The following SEMA6D variants were observed in gnomAD, a reference collection of about 807,000 sequenced individuals.
SEMA6D encodes the protein semaphorin 6D.
A neutral mutation model predicts 106.6 loss-of-function variants in SEMA6D; 35 were observed. The observed-to-expected ratio is 0.33, with a 90% CI of 0.25 to 0.44. SEMA6D has a LOEUF of 0.44. Among genes scored for constraint, SEMA6D ranks in the 20% least tolerant of loss-of-function variants. The probability of loss-of-function intolerance (pLI) is 1.00; values close to 1 mark genes in which losing one functional copy is unlikely to be tolerated. For missense variants in SEMA6D, 1,185 were observed against 1,345.9 expected (o/e 0.88, Z 1.87); for synonymous variants, 499 against 487.7 (o/e 1.02, Z -0.31).
chr15:47,493,358 T>A (rs949827811), intron 3 of SEMA6D, among the ~76,000 whole-genome samples: 2 of 152,202 alleles, frequency 1.3e-5, no homozygotes, highest in African/African-American at 4.8e-5. Flanking sequence ...TTTTGTGGTC[T>A]TTTTGTTGGC....
At chr15:47,647,495 G>A (rs1053920802) in intron 4 of SEMA6D, among the ~76,000 whole-genome samples, 3 of 152,174 alleles carry the variant, frequency 2.0e-5, no homozygotes, top group African/African-American at 7.2e-5. Flanking sequence ...TGTGCAAAAT[G>A]TGTAGGTTCA....
intron 1 of SEMA6D, among the ~76,000 whole-genome samples, chr15:47,351,698 T>A (rs1245934519): frequency 6.6e-6 from 1 of 152,186 alleles, no homozygotes; most frequent in African/African-American, 2.4e-5. Flanking sequence ...TTACTGTACT[T>A]GTTCCTTGAG....
At chr15:47,650,765 G>A (rs963855398) in intron 4 of SEMA6D, among the ~76,000 whole-genome samples, 3 of 152,192 alleles carry the variant, frequency 2.0e-5, no homozygotes, top group African/African-American at 7.2e-5. Context: ...TGGGGCAAAA[G>A]TCCAGGGTGA....
chr15:47,627,230 C>T (rs887322226), intron 4 of SEMA6D, among the ~76,000 whole-genome samples: 4 of 152,114 alleles, frequency 2.6e-5, no homozygotes, highest in African/African-American at 9.7e-5. Context: ...TTCATCTTTG[C>T]CTTTAACATG....
chr15:47,275,282 G>C (rs2034749358), intron 1 of SEMA6D: 1 of 152,114 alleles, frequency 6.6e-6, no homozygotes, highest in African/African-American at 2.4e-5. Flanking sequence ...TATGTGCTGA[G>C]AAAGGAAAAA....
At chr15:47,233,416 G>A (rs1049287974) in intron 1 of SEMA6D, among the ~76,000 whole-genome samples, 15 of 151,852 alleles carry the variant, frequency 9.9e-5, no homozygotes, top group Admixed American at 9.2e-4. Flanking sequence ...TTGGCTATTT[G>A]GGATTTTTGA....
At chr15:47,738,715 T>C (rs2080604049) in intron 1 of SEMA6D, among the ~76,000 whole-genome samples, 1 of 152,228 alleles carries the variant, frequency 6.6e-6, no homozygotes. Flanking sequence ...GGTTCATTTA[T>C]CCAGCCACCA....
chr15:47,656,143 G>C (rs1044027481), intron 4 of SEMA6D, among the ~76,000 whole-genome samples: 5 of 152,202 alleles, frequency 3.3e-5, no homozygotes, highest in African/African-American at 7.2e-5. Context: ...GATAAGCTTT[G>C]TTCACATTTG....
intron 1 of SEMA6D, among the ~76,000 whole-genome samples, chr15:47,243,453 A>C (rs2033032576): frequency 1.3e-5 from 2 of 151,464 alleles, no homozygotes; most frequent in South Asian, 2.1e-4. Context: ...GTAATGATTT[A>C]ATCGGAACCC....
intron 1 of SEMA6D, among the ~76,000 whole-genome samples, chr15:47,207,847 T>C (rs1414707941): frequency 6.6e-6 from 1 of 151,966 alleles, no homozygotes; most frequent in Non-Finnish European, 1.5e-5. Flanking sequence ...CAGAGTACCC[T>C]GGGGAGAGGA....
chr15:47,498,261 GC>G (rs1014269064), intron 3 of SEMA6D, among the ~76,000 whole-genome samples: 2 of 152,086 alleles, frequency 1.3e-5, no homozygotes, highest in Non-Finnish European at 2.9e-5. Flanking sequence ...TTTTCACTTA[GC>G]AATGGGGACA....
chr15:47,450,146 G>T (rs1496917), intron 2 of SEMA6D, among the ~76,000 whole-genome samples: 39,011 of 152,028 alleles, frequency 0.26, 6,153 homozygotes, highest in East Asian at 0.51. Context: ...TCCCAAGGTG[G>T]GCTCACATTA....
chr15:47,772,807 C>CCCA lies in SEMA6D; in HGVS notation c.*1024_*1025insACC, dbSNP rs1034031967. ...TTATTTTGATTGTGTTCGTTTCCCCCCCCCCAATAGTAAAATTTCTCCTCC... is the reference window on the plus strand; with the variant it reads ...TTATTTTGATTGTGTTCGTTTCCCCCCCACCCCCAATAGTAAAATTTCTCCTCC... On this transcript the variant is annotated 3_prime_UTR_variant, in exon 19 of 19. Transcript: ENST00000536845. 2 of 117,018 alleles carry CCCA rather than the reference C, an allele frequency of 1.7e-5. No individual in the cohort carries two copies. The highest frequency in any genetic ancestry group is 2.1e-4 in the Admixed American group (2 of 9,732). 7.2% of individuals were successfully genotyped at this position (117,018 alleles called of 1,614,324 possible).
chr15:47,479,750 A>G (rs890337290), intron 3 of SEMA6D, among the ~76,000 whole-genome samples: 9 of 152,094 alleles, frequency 5.9e-5, no homozygotes, highest in African/African-American at 2.2e-4. Context: ...AAGAGATGCC[A>G]CTTCCCTAAC....
chr15:47,770,141 C>T (rs665042), intron 18 of SEMA6D, among the ~76,000 whole-genome samples: 3,107 of 152,264 alleles, frequency 0.02, 109 homozygotes, highest in African/African-American at 0.072. Flanking sequence ...TGAGACAAAA[C>T]ATATGAGTTT....
At chr15:47,196,382 C>G (rs1326177375) in intron 1 of SEMA6D, among the ~76,000 whole-genome samples, 1 of 152,106 alleles carries the variant, frequency 6.6e-6, no homozygotes, top group Non-Finnish European at 1.5e-5. Context: ...GGGGCTGCAA[C>G]ATTTTGGATA....
intron 1 of SEMA6D, among the ~76,000 whole-genome samples, chr15:47,724,340 C>A (rs1014444189): frequency 6.6e-6 from 1 of 152,218 alleles, no homozygotes; most frequent in African/African-American, 2.4e-5. Flanking sequence ...AGAGGAGCAT[C>A]ACACAATTCC....
chr15:47,517,212 T>C (rs2141875058), intron 3 of SEMA6D, among the ~76,000 whole-genome samples: 1 of 152,292 alleles, frequency 6.6e-6, no homozygotes, highest in African/African-American at 2.4e-5. Flanking sequence ...CCTGAATCCC[T>C]GGCTGCCTGA....
At chr15:47,699,536 G>A (rs1312707069) in intron 4 of SEMA6D, among the ~76,000 whole-genome samples, 1 of 152,184 alleles carries the variant, frequency 6.6e-6, no homozygotes, top group East Asian at 1.9e-4. Context: ...TTAATTAACA[G>A]ATCGGCAAAG....
Sources: allele counts gnomAD v4.1 joint callset (sites outside exome capture counted in the v4.1 genomes callset), GRCh38; gene constraint gnomAD v4.1.1; transcripts MANE v1.5; gene names NCBI Gene and HGNC (gene_info 2026-07-23, HGNC 2026-07-21).